PCDHA4: variants seen among roughly 807,000 people sequenced by gnomAD.
PCDHA4 encodes protocadherin alpha-4.
A neutral mutation model predicts 61.4 loss-of-function variants in PCDHA4; 49 were observed. The observed-to-expected ratio is 0.80, with a 90% CI of 0.63 to 1.01. PCDHA4 has a LOEUF of 1.01. PCDHA4 is among the 50% of genes least tolerant of loss of function. The pLI, the probability that PCDHA4 is intolerant of heterozygous loss-of-function variation, is 0.00. For missense variants in PCDHA4, 1,254 were observed against 1,235.8 expected (o/e 1.01, Z -0.22); for synonymous variants, 590 against 550.3 (o/e 1.07, Z -1.01).
At chr5:140,995,491 AG>A (rs1467871177) in intron 3 of PCDHA4, among the ~76,000 whole-genome samples, 5 of 152,224 alleles carry the variant, frequency 3.3e-5, no homozygotes, top group Non-Finnish European at 5.9e-5. Context: ...TTTCAGACTA[AG>A]GTTGACTGTG....
intron 3 of PCDHA4, among the ~76,000 whole-genome samples, chr5:141,009,094 C>T (rs1350235475): frequency 6.6e-6 from 1 of 152,176 alleles, no homozygotes; most frequent in Non-Finnish European, 1.5e-5. Flanking sequence ...AAGAACCAAA[C>T]ATATGTTACT....
chr5:140,872,429 C>T (rs2053657736), intron 1 of PCDHA4, among the ~76,000 whole-genome samples: 1 of 152,028 alleles, frequency 6.6e-6, no homozygotes, highest in Non-Finnish European at 1.5e-5. Flanking sequence ...GAGTTCGAGG[C>T]CTGCCTGGAC....
Position 140,808,183 on chromosome 5 carries a change from C to T in PCDHA4, c.996C>T (p.Gly332=), listed in dbSNP as rs782261316. The T allele has an allele frequency of 6.2e-7, 1 of 1,614,172 alleles. No homozygotes were observed. The highest frequency in any genetic ancestry group is 1.7e-5 in the Admixed American group (1 of 60,020). ...ATAAGGGACAGCTCCCACTTTCTGG[C>T]CATTGTAGAGTTATTGTGGAAGTAG... The part of the protein sequence containing the change: ...GIDKGQLPLS[G]HCRVIVEVED... Residue 332 remains glycine, a synonymous_variant, in exon 1 of 4, where the codon GGC becomes GGT. Coordinates refer to ENST00000530339, the MANE Select transcript of PCDHA4 (RefSeq NM_018907.4).
intron 1 of PCDHA4, among the ~76,000 whole-genome samples, chr5:140,896,511 C>T (rs1344026446): frequency 6.6e-6 from 1 of 151,744 alleles, no homozygotes; most frequent in Non-Finnish European, 1.5e-5. Context: ...TGTGCAGGCA[C>T]ACACCACAAA....
At chr5:140,827,991 T>A (rs1173902795) in intron 1 of PCDHA4, 2 of 1,469,000 alleles carry the variant, frequency 1.4e-6, no homozygotes, top group African/African-American at 1.4e-5. Flanking sequence ...TGTTGAATGA[T>A]GGCGGACGCA....
intron 1 of PCDHA4, among the ~76,000 whole-genome samples, chr5:140,818,289 T>G (rs2150100721): frequency 1.3e-5 from 2 of 152,350 alleles, no homozygotes; most frequent in African/African-American, 4.8e-5. Flanking sequence ...AATCCATGTT[T>G]TATTCTGACC....
At chr5:140,876,231 A>G (rs1428769390) in intron 1 of PCDHA4, 1 of 1,613,886 alleles carries the variant, frequency 6.2e-7, no homozygotes, top group African/African-American at 1.3e-5. Context: ...TGTTGTCTGA[A>G]AATGTCCAAA....
At chr5:140,928,594 GAA>G in intron 1 of PCDHA4, 2 of 1,614,204 alleles carry the variant, frequency 1.2e-6, no homozygotes, top group Non-Finnish European at 1.7e-6. Flanking sequence ...TGTCCCAGTG[GAA>G]ATTGTGCCCC....
intron 1 of PCDHA4, among the ~76,000 whole-genome samples, chr5:140,844,660 A>G (rs1779489979): frequency 1.3e-5 from 2 of 149,622 alleles, no homozygotes; most frequent in African/African-American, 4.9e-5. Flanking sequence ...TGCAAACCAA[A>G]CATATAATTT....
chr5:140,826,761 T>G (rs1014427871), intron 1 of PCDHA4, among the ~76,000 whole-genome samples: 16 of 152,150 alleles, frequency 1.1e-4, no homozygotes, highest in Admixed American at 5.9e-4. Context: ...AGATTCATAT[T>G]GGAGAGTAAT....
intron 1 of PCDHA4, chr5:140,882,573 G>A (rs2059201802): frequency 2.5e-6 from 4 of 1,614,234 alleles, no homozygotes; most frequent in Non-Finnish European, 3.4e-6. Flanking sequence ...AGCGCGGAGT[G>A]CAGCATCCAC....
chr5:140,951,252 A>G (rs568359458), intron 1 of PCDHA4, among the ~76,000 whole-genome samples: 1 of 151,856 alleles, frequency 6.6e-6, no homozygotes, highest in African/African-American at 2.4e-5. Context: ...AATGCATCAC[A>G]TTTTTCTGGT....
At chr5:140,870,630 G>A (rs2052239024) in intron 1 of PCDHA4, 15 of 1,613,008 alleles carry the variant, frequency 9.3e-6, no homozygotes, top group Non-Finnish European at 1.3e-5. Context: ...ACGTGTCGGT[G>A]CACGCGGAGA....
chr5:140,935,016 T>C (rs997789296), intron 1 of PCDHA4, among the ~76,000 whole-genome samples: 6 of 152,322 alleles, frequency 3.9e-5, no homozygotes, highest in Admixed American at 6.5e-5. Flanking sequence ...TGAGTCTTAA[T>C]AGTCTTTTGA....
At chr5:140,822,155 A>T in intron 1 of PCDHA4, 1 of 1,614,248 alleles carries the variant, frequency 6.2e-7, no homozygotes, top group Non-Finnish European at 8.5e-7. Flanking sequence ...GACATCAATG[A>T]CAATCCGCCC....
At chr5:140,858,028 C>T (rs1192934836) in intron 1 of PCDHA4, 1 of 1,596,786 alleles carries the variant, frequency 6.3e-7, no homozygotes, top group Non-Finnish European at 8.6e-7. Context: ...CGCTGACGGC[C>T]ACGGCCACTG....
rs1241604273 is a variant in PCDHA4, at chr5:140,841,714, A to G, written c.2385+32142A>G. ...TGAAGGATGTTAATGACAACCCGCC[A>G]GTGTTCCGGGTAAAAGACCAAAAGC... On this transcript the variant is annotated intron_variant, in intron 1 of 3. Coordinates refer to ENST00000530339, the MANE Select transcript of PCDHA4 (RefSeq NM_018907.4). The G allele has an allele frequency of 2.5e-6, 4 of 1,613,762 alleles. No individual in the cohort carries two copies. In the African/African-American group the frequency reaches 4.0e-5, roughly 16 times the overall value.
intron 3 of PCDHA4, among the ~76,000 whole-genome samples, chr5:140,988,057 C>T (rs557714672): frequency 6.6e-6 from 1 of 152,188 alleles, no homozygotes; most frequent in Non-Finnish European, 1.5e-5. Context: ...GCACTGTCAA[C>T]ATGAATTTTT....
intron 1 of PCDHA4, chr5:140,834,901 G>T: frequency 6.2e-7 from 1 of 1,600,398 alleles, no homozygotes; most frequent in Non-Finnish European, 8.5e-7. Context: ...TACAGACTGA[G>T]CCCCAATGAG....
Sources: gnomAD v4.1 joint callset for allele counts (sites outside exome capture counted in the v4.1 genomes callset) on GRCh38, gnomAD v4.1.1 for gene constraint, MANE v1.5 for transcripts, NCBI Gene and HGNC (gene_info 2026-07-23, HGNC 2026-07-21) for gene names.